The following AUTS2 variants were observed in gnomAD, a reference collection of about 807,000 sequenced individuals.
AUTS2 encodes activator of transcription and developmental regulator AUTS2.
In AUTS2, 17 loss-of-function variants were observed where a neutral mutation model predicts 112.4. The observed-to-expected ratio is 0.15, with a 90% CI of 0.10 to 0.23. The LOEUF (loss-of-function observed/expected upper bound fraction) is 0.23. Ranked by LOEUF, AUTS2 falls within the 10% of genes least tolerant of loss-of-function variation. The probability of loss-of-function intolerance (pLI) is 1.00; values close to 1 mark genes in which losing one functional copy is unlikely to be tolerated. For missense variants in AUTS2, 1,510 were observed against 1,701.6 expected (o/e 0.89, Z 1.98); for synonymous variants, 751 against 702.7 (o/e 1.07, Z -1.09).
intron 5 of AUTS2, among the ~76,000 whole-genome samples, chr7:70,492,237 C>T (rs922993474): frequency 3.3e-5 from 5 of 152,136 alleles, no homozygotes; most frequent in African/African-American, 9.7e-5. Flanking sequence ...TCCAAACTTC[C>T]AAGATTGTAT....
At chr7:70,484,148 A>G (rs1241387817) in intron 5 of AUTS2, among the ~76,000 whole-genome samples, 2 of 152,252 alleles carry the variant, frequency 1.3e-5, no homozygotes, top group Non-Finnish European at 2.9e-5. Flanking sequence ...TAGAAGCCCA[A>G]TGAATGTTAT....
chr7:70,098,411 G>T (rs1420990443), intron 2 of AUTS2, among the ~76,000 whole-genome samples: 2 of 152,156 alleles, frequency 1.3e-5, no homozygotes, highest in Admixed American at 6.5e-5. Context: ...CTGCCCTTGC[G>T]GGGCTGGGAG....
intron 1 of AUTS2, among the ~76,000 whole-genome samples, chr7:69,791,250 T>C (rs1789595002): frequency 1.3e-5 from 2 of 152,242 alleles, no homozygotes; most frequent in African/African-American, 4.8e-5. Flanking sequence ...TTGTGCAGTC[T>C]GCATTTAGTG....
intron 6 of AUTS2, among the ~76,000 whole-genome samples, chr7:70,732,079 T>C (rs1787441581): frequency 6.6e-6 from 1 of 152,194 alleles, no homozygotes; most frequent in Non-Finnish European, 1.5e-5. Flanking sequence ...GGGTGTTGCA[T>C]CTGAGTGAAA....
intron 1 of AUTS2, among the ~76,000 whole-genome samples, chr7:69,865,186 G>T (rs1057435987): frequency 1.3e-5 from 2 of 151,724 alleles, no homozygotes; most frequent in Non-Finnish European, 2.9e-5. Context: ...TGATGGCTGC[G>T]ACTAAGAAGG....
At chr7:70,610,398 A>G (rs894954556) in intron 5 of AUTS2, among the ~76,000 whole-genome samples, 4 of 131,840 alleles carry the variant, frequency 3.0e-5, no homozygotes, top group African/African-American at 5.7e-5. Context: ...TTTTCTCCAC[A>G]TTCTCACCAA....
intron 1 of AUTS2, among the ~76,000 whole-genome samples, chr7:69,737,695 A>G (rs778850036): frequency 1.3e-5 from 2 of 152,128 alleles, no homozygotes; most frequent in African/African-American, 2.4e-5. Context: ...TACAGTGTCT[A>G]TTGATTTTCT....
chr7:70,391,083 G>A (rs1219687438), intron 4 of AUTS2, among the ~76,000 whole-genome samples: 4 of 152,188 alleles, frequency 2.6e-5, no homozygotes, highest in African/African-American at 4.8e-5. Flanking sequence ...AATCCCACAC[G>A]TACAGGCCAC....
chr7:70,135,448 AATC>A (rs1231611593), intron 4 of AUTS2, among the ~76,000 whole-genome samples: 2 of 152,184 alleles, frequency 1.3e-5, no homozygotes, highest in Non-Finnish European at 2.9e-5. Context: ...AAAATAGTGA[AATC>A]ATGAAAATCA....
intron 5 of AUTS2, among the ~76,000 whole-genome samples, chr7:70,620,142 TTTACTCC>T (rs1384037562): frequency 6.6e-6 from 1 of 152,144 alleles, no homozygotes; most frequent in Admixed American, 6.5e-5. Flanking sequence ...CTTGCTCTTC[TTTACTCC>T]TTAGCACATA....
At chr7:69,928,916 C>T (rs1487816879) in intron 2 of AUTS2, among the ~76,000 whole-genome samples, 1 of 152,168 alleles carries the variant, frequency 6.6e-6, no homozygotes, top group Non-Finnish European at 1.5e-5. Flanking sequence ...TCGCAGTGGC[C>T]AATCCAGACG....
At chr7:70,482,603 G>C (rs1038347864) in intron 5 of AUTS2, among the ~76,000 whole-genome samples, 5 of 152,180 alleles carry the variant, frequency 3.3e-5, no homozygotes, top group Admixed American at 3.3e-4. Flanking sequence ...GCATATCTGG[G>C]ATAAGAGGGA....
chr7:69,782,455 G>T (rs1340840979), intron 1 of AUTS2, among the ~76,000 whole-genome samples: 1 of 151,338 alleles, frequency 6.6e-6, no homozygotes, highest in East Asian at 1.9e-4. Flanking sequence ...TTTTTGCATG[G>T]TCCCTACCAG....
intron 2 of AUTS2, among the ~76,000 whole-genome samples, chr7:70,020,295 C>A (rs1800211958): frequency 6.6e-6 from 1 of 152,100 alleles, no homozygotes; most frequent in Non-Finnish European, 1.5e-5. Context: ...ACCCCACCCC[C>A]CACTCTCACC....
At chr7:69,891,109 A>C (rs1794499853) in intron 1 of AUTS2, among the ~76,000 whole-genome samples, 1 of 152,060 alleles carries the variant, frequency 6.6e-6, no homozygotes, top group Admixed American at 6.5e-5. Context: ...TTCACCCCAA[A>C]AGTTTCCTTA....
At chr7:70,064,082 CTT>C (rs1194717612) in intron 2 of AUTS2, among the ~76,000 whole-genome samples, 3 of 152,180 alleles carry the variant, frequency 2.0e-5, no homozygotes, top group Admixed American at 1.3e-4. Context: ...AGCAAAGCAT[CTT>C]TAGCTTAAGG....
At chr7:69,984,169 G>C (rs1450597136) in intron 2 of AUTS2, among the ~76,000 whole-genome samples, 1 of 152,134 alleles carries the variant, frequency 6.6e-6, no homozygotes, top group African/African-American at 2.4e-5. Context: ...TGTAATCCCA[G>C]CACTTTGGGA....
chr7:70,573,913 G>A (rs550739964), intron 5 of AUTS2, among the ~76,000 whole-genome samples: 100 of 152,004 alleles, frequency 6.6e-4, no homozygotes, highest in Non-Finnish European at 1.1e-3. Flanking sequence ...TAAACATATC[G>A]TGCATCATCC....
intron 1 of AUTS2, among the ~76,000 whole-genome samples, chr7:69,881,572 C>CTT (rs1027257641): frequency 1.3e-5 from 2 of 152,118 alleles, no homozygotes; most frequent in African/African-American, 4.8e-5. Flanking sequence ...TTCAGGACTT[C>CTT]TTTTTGCCTC....
Sources: gnomAD v4.1 joint callset for allele counts (sites outside exome capture counted in the v4.1 genomes callset) on GRCh38, gnomAD v4.1.1 for gene constraint, MANE v1.5 for transcripts, NCBI Gene and HGNC (gene_info 2026-07-23, HGNC 2026-07-21) for gene names.